The following ARID2 variants were observed in gnomAD, a reference collection of about 807,000 sequenced individuals.
ARID2 encodes the protein AT-rich interactive domain-containing protein 2.
ARID2 carries 32 observed loss-of-function variants against 184.6 expected under a neutral mutation model. The ratio of observed to expected loss-of-function variants is 0.17; its 90% confidence interval spans 0.13 to 0.23. The LOEUF (loss-of-function observed/expected upper bound fraction) is 0.23. ARID2 is among the 10% of genes least tolerant of loss of function. The probability of loss-of-function intolerance (pLI) is 1.00; values close to 1 mark genes in which losing one functional copy is unlikely to be tolerated. For synonymous variants in ARID2, 836 were observed against 772.6 expected (o/e 1.08, Z -1.36); for missense variants, 1,696 against 2,197.6 (o/e 0.77, Z 4.56).
At position 45,852,904 on chromosome 12, in the gene ARID2, A is replaced by G. The variant is rs2138182263; in HGVS notation, c.4773+8A>G. 1 of 1,550,838 alleles carries G rather than the reference A, an allele frequency of 6.4e-7. No individual in the cohort carries two copies. Among genetic ancestry groups the G allele is most frequent in the Non-Finnish European group, 8.7e-7 (1 of 1,149,182 alleles). ...CAGAATGTGGTCCCGCAGGTAAGTT[A>G]TTCCATGATCACATTTCTCTTATGA... is the stretch of plus-strand genomic sequence containing the variant. On this transcript the variant is annotated splice_region_variant and intron_variant, in intron 15 of 20. Transcript: ENST00000334344.
intron 6 of ARID2, among the ~76,000 whole-genome samples, chr12:45,822,394 G>A (rs1303820704): frequency 4.6e-5 from 7 of 151,950 alleles, no homozygotes; most frequent in Admixed American, 6.6e-5. Context: ...GAATTAGCTG[G>A]GCGTGGTTGT....
At chr12:45,800,370 A>C (rs1216782107) in intron 3 of ARID2, among the ~76,000 whole-genome samples, 2 of 152,190 alleles carry the variant, frequency 1.3e-5, no homozygotes, top group Non-Finnish European at 2.9e-5. Context: ...AGGATTGAGC[A>C]AATGTGCAAT....
chr12:45,901,949 A>T (rs1397079603), intron 20 of ARID2, among the ~76,000 whole-genome samples: 4 of 152,180 alleles, frequency 2.6e-5, no homozygotes, highest in African/African-American at 9.7e-5. Flanking sequence ...AAGTGCTGGG[A>T]TTACAGGCGT....
At chr12:45,899,460 G>T (rs1025281488) in intron 20 of ARID2, among the ~76,000 whole-genome samples, 1 of 149,384 alleles carries the variant, frequency 6.7e-6, no homozygotes, top group Non-Finnish European at 1.5e-5. Context: ...AAAAAAATTA[G>T]CTGGGCGTGG....
At chr12:45,788,020 C>G (rs990946487) in intron 3 of ARID2, among the ~76,000 whole-genome samples, 7 of 152,156 alleles carry the variant, frequency 4.6e-5, no homozygotes, top group Non-Finnish European at 1.0e-4. Context: ...TCGTTTACAA[C>G]ATACTGTTTT....
rs745728311 is a variant in ARID2, at chr12:45,852,668, A to G, written c.4545A>G (p.Val1515=). The change falls in exon 15 of 21, where the codon GTA becomes GTG. Residue 1515 remains valine (V), a synonymous_variant. Transcript: ENST00000334344. ...STNGTAECKT[V]KRPAEDTDRE... ...ATGGCACAGCAGAATGCAAAACTGT[A>G]AAGAGGCCAGCAGAGGATACTGATA... The G allele has an allele frequency of 3.1e-6, 5 of 1,614,068 alleles. No individual in the cohort carries two copies. Among genetic ancestry groups the G allele is most frequent in the East Asian group, 2.2e-5 (1 of 44,898 alleles).
chr12:45,773,516 A>G (rs567750581), intron 3 of ARID2, among the ~76,000 whole-genome samples: 2 of 152,248 alleles, frequency 1.3e-5, no homozygotes, highest in East Asian at 3.9e-4. Flanking sequence ...CTAAGAAAAA[A>G]CAAAACACAG....
In ARID2 at chr12:45,851,887, G is replaced by C. The variant is rs754383773; in HGVS notation, c.3764G>C (p.Gly1255Ala). 1 of 1,614,182 alleles carries C rather than the reference G, an allele frequency of 6.2e-7. No homozygotes were observed. ...QKEEEAKEAT[G>A]LHVHERKIEV... ...GAGGAGGAAGCAAAGGAAGCAACAG[G>C]TTTACATGTTCATGAACGTAAAATT... Residue 1255 changes from glycine to alanine, a missense_variant, in exon 15 of 21, where the codon GGT becomes GCT. Gly to Ala is a moderately conservative substitution (Grantham distance 60). This residue lies in a region of ARID2 where 428 missense variants were observed against 409.1 expected (regional missense o/e 1.05). Transcript: ENST00000334344.
At chr12:45,876,988 AG>A (rs1419823524) in intron 16 of ARID2, among the ~76,000 whole-genome samples, 4 of 147,944 alleles carry the variant, frequency 2.7e-5, no homozygotes, top group African/African-American at 1.0e-4. Context: ...GCTCCTTGGG[AG>A]GGTGAGGCAG....
chr12:45,790,290 T>G (rs561040102), intron 3 of ARID2, among the ~76,000 whole-genome samples: 1 of 152,314 alleles, frequency 6.6e-6, no homozygotes, highest in South Asian at 2.1e-4. Context: ...GAATTGTTTC[T>G]GTCTCTTTTA....
chr12:45,900,049 TTTTC>T (rs1195088319), intron 20 of ARID2, among the ~76,000 whole-genome samples: 3 of 151,810 alleles, frequency 2.0e-5, no homozygotes, highest in Non-Finnish European at 4.4e-5. Context: ...ACTATTATGT[TTTTC>T]TTTCTCTTTT....
chr12:45,771,991 AAGG>A (rs142304855), intron 3 of ARID2, among the ~76,000 whole-genome samples: 2,976 of 152,270 alleles, frequency 0.02, 98 homozygotes, highest in African/African-American at 0.068. Context: ...ATATCACAAA[AAGG>A]AGGAAAAGGA....
chr12:45,813,509 A>T (rs1242148761), intron 4 of ARID2, among the ~76,000 whole-genome samples: 2 of 150,982 alleles, frequency 1.3e-5, no homozygotes, highest in Non-Finnish European at 3.0e-5. Context: ...TTAGATTGAG[A>T]GTATTTAAAG....
intron 16 of ARID2, among the ~76,000 whole-genome samples, chr12:45,889,000 C>T (rs543111668): frequency 1.3e-5 from 2 of 152,132 alleles, no homozygotes; most frequent in Middle Eastern, 3.4e-3. Flanking sequence ...CCAGCCTGGC[C>T]GACATGCCGA....
chr12:45,741,886 A>C (rs746485100), intron 3 of ARID2, among the ~76,000 whole-genome samples: 31 of 152,174 alleles, frequency 2.0e-4, no homozygotes, highest in Non-Finnish European at 3.8e-4. Flanking sequence ...ACTGGGGAAA[A>C]AATTATTTTG....
chr12:45,861,580 C>CTTTT (rs11303020), intron 16 of ARID2, among the ~76,000 whole-genome samples: 1 of 96,970 alleles, frequency 1.0e-5, no homozygotes, highest in African/African-American at 4.5e-5. Flanking sequence ...AGGCATTTGT[C>CTTTT]TTTTTTTTTT....
At chr12:45,740,514 G>A (rs1316528792) in intron 3 of ARID2, among the ~76,000 whole-genome samples, 1 of 152,004 alleles carries the variant, frequency 6.6e-6, no homozygotes, top group African/African-American at 2.4e-5. Context: ...CATTATCACT[G>A]TCGTTTATTC....
chr12:45,737,644 G>T (rs1397503738), intron 3 of ARID2, among the ~76,000 whole-genome samples: 1 of 151,774 alleles, frequency 6.6e-6, no homozygotes, highest in Admixed American at 6.6e-5. Flanking sequence ...GTGGTTTTAG[G>T]TATTAATAAT....
At chr12:45,730,260 G>A in intron 2 of ARID2, 123 bp downstream of exon 2, 1 of 839,612 alleles carries the variant, frequency 1.2e-6, no homozygotes, top group Non-Finnish European at 1.7e-6. Context: ...CGTTCTTTTC[G>A]CTCCCAGCCG....
Sources: gnomAD v4.1 joint callset for allele counts (sites outside exome capture counted in the v4.1 genomes callset) on GRCh38, gnomAD v4.1.1 for gene constraint, gnomAD v4.1.1 regional missense constraint, MANE v1.5 for transcripts, NCBI Gene and HGNC (gene_info 2026-07-23, HGNC 2026-07-21) for gene names.